Variants in SIRPG observed in about 807,000 individuals in gnomAD.
SIRPG encodes the protein signal regulatory protein gamma.
In SIRPG, 38 loss-of-function variants were observed where a neutral mutation model predicts 35.7. The ratio of observed to expected loss-of-function variants is 1.06; its 90% CI spans 0.82 to 1.40. SIRPG has a LOEUF of 1.40. Ranked by LOEUF, SIRPG falls within the 40% of genes most tolerant of loss-of-function variation. SIRPG has a pLI of 0.00. For synonymous variants in SIRPG, 215 were observed against 190.4 expected, an observed-to-expected ratio of 1.13 and a Z score of -1.06; for missense variants, 519 against 483.0, an observed-to-expected ratio of 1.07 and a Z score of -0.70.
the SIRPG span, among the ~76,000 whole-genome samples, chr20:1,679,968 T>C: frequency 0.24 from 36,484 of 152,104 alleles, 5,136 homozygotes; most frequent in East Asian, 0.59. Flanking sequence ...AATAATGGCA[T>C]CCACCTTTCT....
At chr20:1,636,820 G>A (rs1234050657) in intron 2 of SIRPG, among the ~76,000 whole-genome samples, 1 of 152,184 alleles carries the variant, frequency 6.6e-6, no homozygotes, top group Non-Finnish European at 1.5e-5. Context: ...TTCTCCCTCT[G>A]TGTATTAACT....
At chr20:1,656,094 G>A (rs909371600) in intron 1 of SIRPG, among the ~76,000 whole-genome samples, 1 of 152,132 alleles carries the variant, frequency 6.6e-6, no homozygotes, top group Non-Finnish European at 1.5e-5. Context: ...AACATTTTGG[G>A]AAAACATACA....
rs1457789797 is a variant in SIRPG at position 1,649,128 on chromosome 20, GTAGT to G, written c.350_353del (p.Tyr117SerfsTer3). 1 of 1,613,980 alleles carries G rather than the reference GTAGT, an allele frequency of 6.2e-7. No homozygotes were observed. The highest frequency in any genetic ancestry group is 1.1e-5 in the South Asian group (1 of 91,068). On this transcript the variant is annotated frameshift_variant, in exon 2 of 6. Transcript: ENST00000303415. LOFTEE classifies it high-confidence loss of function. ...GGCTCCCTTTTCGAAACTTCACACA[GTAGT>G]ATGTGCCGACATCTGCTGGGGTGAT...
chr20:1,649,487 T>A (rs935969496), intron 1 of SIRPG, 79 bp from the exon 2 acceptor site: 38 of 1,311,474 alleles, frequency 2.9e-5, no homozygotes, highest in Non-Finnish European at 3.7e-5. Flanking sequence ...AGATATTCAG[T>A]GACTGGGTGC....
At chr20:1,649,629 CTTT>C (rs35561366) in intron 1 of SIRPG, among the ~76,000 whole-genome samples, 26,419 of 75,684 alleles carry the variant, frequency 0.35, 3,674 homozygotes, top group Admixed American at 0.43. Context: ...CAGAGAGGTT[CTTT>C]TTTTTTTTTT....
intron 2 of SIRPG, among the ~76,000 whole-genome samples, chr20:1,640,291 T>C (rs1014314979): frequency 6.6e-6 from 1 of 152,210 alleles, no homozygotes; most frequent in Non-Finnish European, 1.5e-5. Flanking sequence ...TTTGAAGCAG[T>C]GGTTTGTAGT....
At chr20:1,676,758 A>T in the SIRPG span, 1 of 210,398 alleles carries the variant, frequency 4.8e-6, no homozygotes. Context: ...GGCCTGGTCC[A>T]GCTCCTCTGA....
chr20:1,634,839 C>G (rs377472849), intron 4 of SIRPG, among the ~76,000 whole-genome samples: 9 of 151,610 alleles, frequency 5.9e-5, no homozygotes, highest in African/African-American at 9.7e-5. Context: ...GTCAGGAGAT[C>G]GAGACCATCC....
At chr20:1,648,169 G>A (rs1323119381) in intron 2 of SIRPG, 1 of 152,224 alleles carries the variant, frequency 6.6e-6, no homozygotes, top group Non-Finnish European at 1.5e-5. Flanking sequence ...CCTCTGGCTG[G>A]AAACCCCAAA....
intron 1 of SIRPG, among the ~76,000 whole-genome samples, chr20:1,655,603 G>A (rs544701366): frequency 8.5e-5 from 13 of 152,242 alleles, no homozygotes; most frequent in African/African-American, 2.4e-4. Flanking sequence ...GATATCTATT[G>A]TACAATGTGG....
intron 2 of SIRPG, among the ~76,000 whole-genome samples, chr20:1,643,178 C>A (rs1055482349): frequency 2.0e-5 from 3 of 152,142 alleles, no homozygotes; most frequent in African/African-American, 7.2e-5. Context: ...CAATTTGGTT[C>A]CATCCTCCCC....
the SIRPG span, among the ~76,000 whole-genome samples, chr20:1,668,147 C>CT: frequency 4.0e-5 from 4 of 101,008 alleles, no homozygotes; most frequent in Non-Finnish European, 6.4e-5. Context: ...CTTTTCTTTT[C>CT]TTTTTTTCTT....
At position 1,635,516 on chromosome 20, in the gene SIRPG, G is replaced by A. The variant is rs2091791103; in HGVS notation, c.832C>T (p.Pro278Ser). 1 of 1,614,048 alleles carries A rather than the reference G, an allele frequency of 6.2e-7. No individual in the cohort carries two copies. Among genetic ancestry groups the A allele is most frequent in the South Asian group, 1.1e-5 (1 of 91,088 alleles). ...GACCAGGTCAGCTGTAGGCTCTGGG[G>A]GTAGAACTTCCTCACCTGGCAGGTG... ...NVTCQVRKFY[P>S]QSLQLTWSEN... is the part of the protein sequence containing the mutation. Residue 278 changes from proline to serine, a missense_variant, in exon 4 of 6, where the codon CCC (proline) becomes TCC (serine). Coordinates refer to ENST00000303415, the MANE Select transcript of SIRPG (RefSeq NM_018556.4).
Position 1,636,300 on chromosome 20 carries a change from C to A in SIRPG, c.636G>T (p.Arg212Ser). Residue 212 changes from arginine to serine, a missense_variant, in exon 3 of 6, where the codon AGG (arginine) becomes AGT (serine). Physicochemically the swap from Arg to Ser is moderately radical, Grantham distance 110 (BLOSUM62 -1). Coordinates refer to ENST00000303415, the MANE Select transcript of SIRPG (RefSeq NM_018556.4). ...SVAYSIRSTA[R>S]VVLDPWDVRS... ...GAACGTCCCAGGGGTCCAGTACCAC[C>A]CTGGCTGTGCTGCGGATGCTGTAGG... 6.2e-7 allele frequency: 1 copy of A among 1,614,232 alleles called. No individual in the cohort carries two copies. The highest frequency in any genetic ancestry group is 8.5e-7 in the Non-Finnish European group (1 of 1,180,036).
intron 2 of SIRPG, among the ~76,000 whole-genome samples, chr20:1,643,447 G>T (rs947040579): frequency 6.6e-6 from 1 of 152,030 alleles, no homozygotes; most frequent in Non-Finnish European, 1.5e-5. Flanking sequence ...CTATAAACTG[G>T]TTTTTCTGGT....
At chr20:1,634,378 T>G (rs578013559) in intron 4 of SIRPG, among the ~76,000 whole-genome samples, 8 of 152,042 alleles carry the variant, frequency 5.3e-5, no homozygotes, top group African/African-American at 1.9e-4. Context: ...GGCTCATTTT[T>G]TTGTATTTTT....
At chr20:1,659,847 G>A (rs2091991619), upstream of SIRPG, among the ~76,000 whole-genome samples, 1 of 152,234 alleles carries the variant, frequency 6.6e-6, no homozygotes. Context: ...CAGGTGCCAT[G>A]CTCCACGAGG....
chr20:1,671,519 T>C, the SIRPG span, among the ~76,000 whole-genome samples: 1 of 151,926 alleles, frequency 6.6e-6, no homozygotes, highest in African/African-American at 2.4e-5. Flanking sequence ...TCTCAGAGAG[T>C]GCCGAGACCA....
At chr20:1,649,626 G>GTCCTTTTTTTTTT (rs1300739683) in intron 1 of SIRPG, among the ~76,000 whole-genome samples, 1 of 101,620 alleles carries the variant, frequency 9.8e-6, no homozygotes, top group African/African-American at 3.9e-5. Flanking sequence ...GCACAGAGAG[G>GTCCTTTTTTTTTT]TTCTTTTTTT....
Sources: gnomAD v4.1 joint callset for allele counts (sites outside exome capture counted in the v4.1 genomes callset) on GRCh38, gnomAD v4.1.1 for gene constraint, MANE v1.5 for transcripts, NCBI Gene and HGNC (gene_info 2026-07-23, HGNC 2026-07-21) for gene names.